The following UBR2 variants were observed in gnomAD, a reference collection of about 807,000 sequenced individuals.
UBR2 encodes ubiquitin protein ligase E3 component n-recognin 2, also known as E3 ubiquitin-protein ligase UBR2.
In UBR2, 92 loss-of-function variants were observed where a neutral mutation model predicts 247.9. That is an observed-to-expected ratio of 0.37 (90% CI 0.31 to 0.44). UBR2 has a LOEUF of 0.44. Among genes scored for constraint, UBR2 ranks in the 20% least tolerant of loss-of-function variants. The pLI, the probability that UBR2 is intolerant of heterozygous loss-of-function variation, is 1.00. For missense variants in UBR2, 1,613 were observed against 2,112.6 expected (o/e 0.76, Z 4.64); for synonymous variants, 672 against 693.5 (o/e 0.97, Z 0.49).
chr6:42,641,831 AG>A, intron 17 of UBR2, 139 bp downstream of exon 17: 1 of 592,652 alleles, frequency 1.7e-6, no homozygotes, highest in Non-Finnish European at 2.7e-6. Flanking sequence ...TAAAACAAAA[AG>A]TTTCTTAAAA....
chr6:42,659,518 TATACACACAC>T lies in UBR2; in HGVS notation c.3243-136_3243-127del, dbSNP rs1247997516. The T allele has an allele frequency of 7.1e-4, 360 of 508,466 alleles. 5 individuals are homozygous for T. The highest frequency in any genetic ancestry group is 1.2e-3 in the South Asian group (46 of 37,940). The allele number at this position is 508,466 out of a possible 1,614,324, so 31.5% of individuals were successfully genotyped here. A position where few individuals can be genotyped will look rare whatever the true frequency, so the allele number is the denominator to read the frequency against. On this transcript the variant is annotated intron_variant, in intron 29 of 46. Coordinates refer to ENST00000372901, the MANE Select transcript of UBR2 (RefSeq NM_001363705.2). The surrounding 1 kb of genome is among the most constrained non-coding windows in gnomAD (Gnocchi z 4.3). The stretch of plus-strand genomic sequence containing the variant: ...CTGTCTCAAAAAATAAATAAATATA[TATACACACAC>T]ACACACACACACACACACACACACA...
chr6:42,657,928 GGT>G (rs1254864140), intron 26 of UBR2, 94 bp from the exon 27 acceptor site: 1 of 793,666 alleles, frequency 1.3e-6, no homozygotes, highest in Non-Finnish European at 2.0e-6. Context: ...ATGGGCAATA[GGT>G]GTTATAAGCA....
intron 1 of UBR2, 101 bp from the exon 2 acceptor site, chr6:42,573,633 G>A: frequency 7.7e-7 from 1 of 1,290,696 alleles, no homozygotes; most frequent in Non-Finnish European, 1.0e-6. Flanking sequence ...ATTTTAATAT[G>A]CTTTTGTCAT....
At chr6:42,688,910 G>C (rs948697234) in intron 45 of UBR2, among the ~76,000 whole-genome samples, 6 of 152,168 alleles carry the variant, frequency 3.9e-5, no homozygotes, top group Non-Finnish European at 8.8e-5. Flanking sequence ...AGTGATATAG[G>C]CTAAGGAGAA....
At chr6:42,634,948 T>A (rs1795993217) in intron 13 of UBR2, among the ~76,000 whole-genome samples, 1 of 152,244 alleles carries the variant, frequency 6.6e-6, no homozygotes, top group African/African-American at 2.4e-5. Flanking sequence ...ACAGTAATTT[T>A]AATTAAAAGC....
At position 42,567,230 on chromosome 6, in the gene UBR2, C is replaced by T. The variant is rs75785316; in HGVS notation, c.78+2833C>T. Among the ~76,000 whole-genome samples, 146 of 152,264 alleles carry T rather than the reference C, an allele frequency of 9.6e-4. 1 individual carries two copies. Among genetic ancestry groups the T allele is most frequent in the African/African-American group, 3.3e-3 (139 of 41,554 alleles). On this transcript the variant is annotated intron_variant, in intron 1 of 46. Coordinates refer to ENST00000372901, the MANE Select transcript of UBR2 (RefSeq NM_001363705.2). ...AGAACTTTTTGTGATCCCATCCATT[C>T]CAGCTAGTATGCCTCACAAAGAAAA...
chr6:42,574,601 A>T (rs767719956), intron 2 of UBR2, among the ~76,000 whole-genome samples: 1 of 152,120 alleles, frequency 6.6e-6, no homozygotes, highest in South Asian at 2.1e-4. Context: ...AGGGTAGAAG[A>T]TGGAGAATAA....
At chr6:42,644,776 G>A (rs948619321) in intron 20 of UBR2, among the ~76,000 whole-genome samples, 2 of 152,122 alleles carry the variant, frequency 1.3e-5, no homozygotes, top group African/African-American at 2.4e-5. Flanking sequence ...CTGGAAGACT[G>A]TATTTTGCGA....
At chr6:42,664,661 C>T (rs1798011188) in intron 32 of UBR2, among the ~76,000 whole-genome samples, 2 of 152,220 alleles carry the variant, frequency 1.3e-5, no homozygotes, top group South Asian at 2.1e-4. Flanking sequence ...AAAAGAATAT[C>T]GTGGTACTGA....
intron 16 of UBR2, among the ~76,000 whole-genome samples, chr6:42,640,842 G>C (rs945595992): frequency 6.6e-6 from 1 of 151,918 alleles, no homozygotes; most frequent in African/African-American, 2.4e-5. Context: ...GAATTCTCCT[G>C]CCTCAGCCTC....
chr6:42,564,391 T>G lies in UBR2; in HGVS notation c.72T>G (p.Ile24Met). The change falls in exon 1 of 47, where the codon ATT becomes ATG. Residue 24 changes from isoleucine (I) to methionine (M), a missense_variant. By Grantham distance (10) the Ile-to-Met change is conservative. This residue lies in a region of UBR2 where 1,524 missense variants were observed against 1,967.3 expected (regional missense o/e 0.77). Transcript: ENST00000372901. ...RSLLECSAEEIAGKWLQATDL... is the reference protein window; with the variant it reads ...RSLLECSAEEMAGKWLQATDL... ...TGCTGGAATGTTCGGCCGAGGAGAT[T>G]GCGGGGGTGAGTGCCGGAACCCGGG... The G allele has an allele frequency of 6.2e-7, 1 of 1,609,504 alleles. No homozygotes were observed. The highest frequency in any genetic ancestry group is 8.5e-7 in the Non-Finnish European group (1 of 1,178,236).
intron 40 of UBR2, among the ~76,000 whole-genome samples, chr6:42,678,311 G>A (rs1359692708): frequency 6.6e-6 from 1 of 152,234 alleles, no homozygotes; most frequent in Non-Finnish European, 1.5e-5. Flanking sequence ...ACTCCAGCCT[G>A]GGCGACAGAG....
At chr6:42,578,651 G>A (rs1791674023) in intron 2 of UBR2, among the ~76,000 whole-genome samples, 2 of 151,980 alleles carry the variant, frequency 1.3e-5, no homozygotes, top group Non-Finnish European at 2.9e-5. Context: ...GCCATGAGTA[G>A]CATCTCAAGC....
At chr6:42,567,366 A>G (rs538452581) in intron 1 of UBR2, among the ~76,000 whole-genome samples, 2 of 152,250 alleles carry the variant, frequency 1.3e-5, no homozygotes, top group African/African-American at 4.8e-5. Context: ...GACTTTCCCA[A>G]CACTTCTTGG....
chr6:42,679,863 TAAA>T (rs759440586), intron 42 of UBR2, 31 bp downstream of exon 42: 2 of 1,507,974 alleles, frequency 1.3e-6, no homozygotes, highest in Admixed American at 3.7e-5. Flanking sequence ...TTTGTTGTAT[TAAA>T]TAGCTCTATG....
intron 14 of UBR2, 119 bp downstream of exon 14, chr6:42,635,665 C>A: frequency 1.6e-6 from 2 of 1,240,396 alleles, no homozygotes; most frequent in Non-Finnish European, 2.2e-6. Context: ...GTTCATTAAA[C>A]AGCGTATTTT....
At chr6:42,635,677 C>T in intron 14 of UBR2, 131 bp downstream of exon 14, 1 of 1,095,924 alleles carries the variant, frequency 9.1e-7, no homozygotes, top group Non-Finnish European at 1.3e-6. Context: ...GCGTATTTTC[C>T]TTCTCCACCT....
intron 34 of UBR2, among the ~76,000 whole-genome samples, chr6:42,667,209 G>T (rs898401237): frequency 6.6e-6 from 1 of 151,958 alleles, no homozygotes; most frequent in African/African-American, 2.4e-5. Context: ...GGTGGTGCAC[G>T]CTTGTAATCC....
intron 9 of UBR2, 61 bp from the exon 10 acceptor site, chr6:42,615,941 C>T: frequency 8.0e-7 from 1 of 1,256,760 alleles, no homozygotes; most frequent in Non-Finnish European, 1.1e-6. Flanking sequence ...GATCACATAA[C>T]ACTTGAGAAA....
Sources: gnomAD v4.1 joint callset for allele counts (sites outside exome capture counted in the v4.1 genomes callset) on GRCh38, gnomAD v4.1.1 for gene constraint, gnomAD v4.1.1 regional missense constraint, Gnocchi (gnomAD v3.1) non-coding constraint, MANE v1.5 for transcripts, NCBI Gene and HGNC (gene_info 2026-07-23, HGNC 2026-07-21) for gene names.